Variants in ALOX15 observed in about 807,000 individuals in gnomAD.
ALOX15 encodes arachidonate 15-lipoxygenase.
ALOX15 carries 68 observed loss-of-function variants against 71.7 expected under a neutral mutation model. That is an observed-to-expected ratio of 0.95 (90% confidence interval 0.78 to 1.16). The LOEUF is 1.16. Ranked by LOEUF, ALOX15 falls within the 50% of genes most tolerant of loss-of-function variation. The pLI, the probability that ALOX15 is intolerant of heterozygous loss-of-function variation, is 0.00. For synonymous variants in ALOX15, 346 were observed against 333.3 expected (o/e 1.04, Z -0.42); for missense variants, 798 against 818.8 (o/e 0.97, Z 0.31).
At position 4,632,230 on chromosome 17, in the gene ALOX15, A is replaced by G. The variant is rs201836513; in HGVS notation, c.1592T>C (p.Met531Thr). 2,947 of 1,614,238 alleles carry G rather than the reference A, an allele frequency of 1.8e-3. 53 individuals carry two copies. In the South Asian group the frequency reaches 0.031, roughly 17 times the overall value. ...ARDQVCHFVT[M>T]CIFTCTGQHA... ...TTGGCCGGTGCAGGTGAAGATACACATGGTGACAAAGTGGCAAACCTGGTC... is the reference window on the plus strand; with the variant it reads ...TTGGCCGGTGCAGGTGAAGATACACGTGGTGACAAAGTGGCAAACCTGGTC... Residue 531 changes from methionine to threonine, a missense_variant, in exon 12 of 14, where the codon ATG (methionine) becomes ACG (threonine). By Grantham distance (81) the Met-to-Thr change is moderately conservative. This residue lies in a region of ALOX15 where 490 missense variants were observed against 509.4 expected (regional missense o/e 0.96). Coordinates refer to ENST00000293761, the MANE Select transcript of ALOX15 (RefSeq NM_001140.5).
chr17:4,641,578 C>A lies in ALOX15; in HGVS notation c.74G>T (p.Trp25Leu). ...YAGSNNQVQL[W>L]LVGQHGEAAL... ...CGCCTCCCCGTGCTGGCCGACCAGC[C>A]ACAGCTGCACCTGGTTGTTGGAACC... Residue 25 changes from tryptophan (W) to leucine (L), a missense_variant, in exon 1 of 14, where the codon TGG (tryptophan) becomes TTG (leucine). Around this residue, in one of 3 missense-constraint regions of ALOX15, gnomAD observed 300 missense variants for 283.1 expected, o/e 1.06. Transcript: ENST00000293761. The A allele has an allele frequency of 1.2e-6, 2 of 1,613,792 alleles. No individual in the cohort carries two copies. The highest frequency in any genetic ancestry group is 1.7e-6 in the Non-Finnish European group (2 of 1,180,042).
At chr17:4,633,731 C>T (rs959446220) in intron 8 of ALOX15, among the ~76,000 whole-genome samples, 6 of 152,192 alleles carry the variant, frequency 3.9e-5, no homozygotes, top group South Asian at 4.1e-4. Context: ...CACATGCTCA[C>T]GGATGTTCAT....
At chr17:4,632,356 G>C in intron 11 of ALOX15, 75 bp from the exon 12 acceptor site, 1 of 1,213,048 alleles carries the variant, frequency 8.2e-7, no homozygotes, top group Non-Finnish European at 1.2e-6. Context: ...GCCAAGAGAG[G>C]AGAACAAGGG....
At position 4,641,526 on chromosome 17, in the gene ALOX15, T is replaced by C. The variant is rs764923621; in HGVS notation, c.126A>G (p.Ala42=). 338 of 1,612,656 alleles carry C rather than the reference T, an allele frequency of 2.1e-4. No individual in the cohort carries two copies. Among genetic ancestry groups the C allele is most frequent in the Non-Finnish European group, 2.7e-4 (322 of 1,179,704 alleles). Residue 42 remains alanine (A), a synonymous_variant, in exon 1 of 14, where the codon GCA becomes GCG. Transcript: ENST00000293761. ...GCTCTGGGGAGCTCACCTTGCCCCGTGCGGGCCACAGTCGCTTCCCGAGCG... is the reference window on the plus strand; with the variant it reads ...GCTCTGGGGAGCTCACCTTGCCCCGCGCGGGCCACAGTCGCTTCCCGAGCG... ...EAALGKRLWP[A]RGKETELKVE...
chr17:4,636,185 G>A (rs1469731012), intron 7 of ALOX15, among the ~76,000 whole-genome samples: 1 of 152,118 alleles, frequency 6.6e-6, no homozygotes, highest in African/African-American at 2.4e-5. Flanking sequence ...CCAGCATTCT[G>A]CAGAAACTGC....
Position 4,639,066 on chromosome 17 carries a change from C to G in ALOX15, c.404G>C (p.Arg135Thr), listed in dbSNP as rs759249982. Residue 135 changes from arginine (R) to threonine (T), a missense_variant, in exon 3 of 14, where the codon AGA becomes ACA. Physicochemically the swap from Arg to Thr is moderately conservative, Grantham distance 71. Around this residue, in one of 3 missense-constraint regions of ALOX15, gnomAD observed 300 missense variants for 283.1 expected, o/e 1.06. Coordinates refer to ENST00000293761, the MANE Select transcript of ALOX15 (RefSeq NM_001140.5). ...QKHREEELEE[R>T]RKLYRWGNWK... ...GAGGGCTCACCGGTACAACTTCCTT[C>G]TCTCTTCCAGCTCTTCTTCCCGGTG... The G allele has an allele frequency of 3.1e-6, 5 of 1,614,242 alleles. No homozygotes were observed. In the South Asian group the frequency reaches 5.5e-5, roughly 18 times the overall value.
Position 4,641,515 on chromosome 17 carries a change from A to C in ALOX15, c.135+2T>G. On this transcript the variant is annotated splice_donor_variant, in intron 1 of 13. Transcript: ENST00000293761. LOFTEE classifies it high-confidence loss of function. ...CACCCCGCCCGGCTCTGGGGAGCTC[A>C]CCTTGCCCCGTGCGGGCCACAGTCG... 6.2e-7 allele frequency: 1 copy of C among 1,612,470 alleles called. No individual in the cohort carries two copies. Among genetic ancestry groups the C allele is most frequent in the Non-Finnish European group, 8.5e-7 (1 of 1,179,612 alleles).
At position 4,635,926 on chromosome 17, in the gene ALOX15, A is replaced by G. The variant is rs1911079360; in HGVS notation, c.994T>C (p.Leu332=). Residue 332 remains leucine, a synonymous_variant, in exon 8 of 14, where the codon TTG becomes CTG. Coordinates refer to ENST00000293761, the MANE Select transcript of ALOX15 (RefSeq NM_001140.5). The part of the protein sequence containing the change: ...RTGSPPPPLF[L]PTDPPMAWLL... ...CAGGCCATTGGGGGATCCGTAGGCA[A>G]GAAAAGGGGAGGTGGTGGGGATCCT... 1.2e-6 allele frequency: 2 copies of G among 1,614,170 alleles called. No individual in the cohort carries two copies. The highest frequency in any genetic ancestry group is 1.7e-6 in the Non-Finnish European group (2 of 1,180,034).
Position 4,631,490 on chromosome 17 carries a change from G to T in ALOX15, c.*110C>A, listed in dbSNP as rs760691070. 1.5e-6 allele frequency: 2 copies of T among 1,356,322 alleles called. No individual in the cohort carries two copies. Among genetic ancestry groups the T allele is most frequent in the Middle Eastern group, 2.6e-4 (1 of 3,836 alleles). 84.0% of individuals were successfully genotyped at this position (1,356,322 alleles called of 1,614,324 possible). A position where few individuals can be genotyped will look rare whatever the true frequency, so the allele number is the denominator to read the frequency against. ...CCATGAAAAGGTGCCCCTCTAGGGA[G>T]GGTGGGACATGGGAAGAGGGTGGGA... is the stretch of plus-strand genomic sequence containing the variant. On this transcript the variant is annotated 3_prime_UTR_variant, in exon 14 of 14. Coordinates refer to ENST00000293761, the MANE Select transcript of ALOX15 (RefSeq NM_001140.5).
At chr17:4,632,806 T>C in intron 11 of ALOX15, 55 bp downstream of exon 11, 2 of 1,611,548 alleles carry the variant, frequency 1.2e-6, no homozygotes, top group Non-Finnish European at 1.7e-6. Context: ...CAGGGGATTC[T>C]GGGAAGATCT....
rs745678466 is a variant in ALOX15, at chr17:4,639,549, TC to T, written c.217del (p.Asp73ThrfsTer34). ...GATCCAGTTGCAGAACCAGGCGTCGTCCTTAAGGAGGTGCCGTTTGCGCAGT... is the reference window on the plus strand; with the variant it reads ...GATCCAGTTGCAGAACCAGGCGTCGTCTTAAGGAGGTGCCGTTTGCGCAGT... ...VKLRKRHLLK[D>X]DAWFCNWISV... On this transcript the variant is annotated frameshift_variant, in exon 2 of 14. Transcript: ENST00000293761. LOFTEE classifies it high-confidence loss of function. The T allele has an allele frequency of 6.2e-7, 1 of 1,613,852 alleles. No individual in the cohort carries two copies. The highest frequency in any genetic ancestry group is 8.5e-7 in the Non-Finnish European group (1 of 1,179,972).
At chr17:4,635,639 T>C (rs113561833) in intron 8 of ALOX15, 120 bp downstream of exon 8, 3 of 936,758 alleles carry the variant, frequency 3.2e-6, no homozygotes, top group Admixed American at 2.2e-5. Flanking sequence ...TGCTCTCACA[T>C]TGTCCATTCA....
intron 8 of ALOX15, among the ~76,000 whole-genome samples, chr17:4,634,959 CAATAATAAT>C (rs113006980): frequency 2.8e-5 from 4 of 145,358 alleles, no homozygotes; most frequent in South Asian, 4.6e-4. Flanking sequence ...GCCTGGGCAG[CAATAATAAT>C]AATAATAATA....
At position 4,637,191 on chromosome 17, in the gene ALOX15, C is replaced by A; in HGVS notation, c.875G>T (p.Ser292Ile). 1 of 1,614,060 alleles carries A rather than the reference C, an allele frequency of 6.2e-7. No individual in the cohort carries two copies. The highest frequency in any genetic ancestry group is 8.5e-7 in the Non-Finnish European group (1 of 1,179,952). Residue 292 changes from serine (S) to isoleucine (I), a missense_variant, in exon 7 of 14, where the codon AGC (serine) becomes ATC (isoleucine). By Grantham distance (142) the Ser-to-Ile change is moderately radical. Around this residue, in one of 3 missense-constraint regions of ALOX15, gnomAD observed 490 missense variants for 509.4 expected, o/e 0.96. Transcript: ENST00000293761. The part of the protein sequence containing the change: ...DGIKANVILC[S>I]QQHLAAPLVM... Reference sequence around the variant, plus strand: ...TAGAGGGGCAGCCAGGTGCTGCTGGCTACAGAGAATGACGTTGGCCTTGAT... The same window carrying A: ...TAGAGGGGCAGCCAGGTGCTGCTGGATACAGAGAATGACGTTGGCCTTGAT...
Position 4,639,431 on chromosome 17 carries a change from G to C in ALOX15, c.336C>G (p.Thr112=). Residue 112 remains threonine (T), a splice_region_variant and synonymous_variant, in exon 2 of 14, where the codon ACC becomes ACG. Transcript: ENST00000293761. ...TGACACCCTCAGCCCCGCGCTTACC[G>C]GTGCCTTCAGGCAGGCTCAGGACGC... is the stretch of plus-strand genomic sequence containing the variant. ...GNGVLSLPEG[T]GRTVGEDPQG... The C allele has an allele frequency of 6.2e-7, 1 of 1,613,340 alleles. No individual in the cohort carries two copies. Among genetic ancestry groups the C allele is most frequent in the Non-Finnish European group, 8.5e-7 (1 of 1,179,896 alleles).
intron 5 of ALOX15, 52 bp from the exon 6 acceptor site, chr17:4,638,429 C>T: frequency 2.6e-6 from 2 of 764,018 alleles, no homozygotes; most frequent in Non-Finnish European, 4.4e-6. Context: ...CTTGGTCCTT[C>T]CAACCCCACC....
intron 7 of ALOX15, among the ~76,000 whole-genome samples, chr17:4,636,295 A>G (rs1301408087): frequency 6.6e-6 from 1 of 152,060 alleles, no homozygotes; most frequent in Non-Finnish European, 1.5e-5. Flanking sequence ...TGTTTTTTGA[A>G]AACTCATCTT....
chr17:4,635,682 G>A, intron 8 of ALOX15, 77 bp downstream of exon 8: 1 of 1,411,096 alleles, frequency 7.1e-7, no homozygotes, highest in African/African-American at 1.4e-5. Context: ...ACCCCACAGA[G>A]AGGGAGCCTC....
chr17:4,632,258 G>A lies in ALOX15; in HGVS notation c.1564C>T (p.Arg522Trp), dbSNP rs149679697. 61 of 1,614,210 alleles carry A rather than the reference G, an allele frequency of 3.8e-5. No homozygotes were observed. Among genetic ancestry groups the A allele is most frequent in the Middle Eastern group, 1.6e-4 (1 of 6,062 alleles). ...DRGFPVSLQA[R>W]DQVCHFVTMC... ...GTGACAAAGTGGCAAACCTGGTCCC[G>A]AGCCTGTAAAGAGACAGGAAACCCT... The change falls in exon 12 of 14, where the codon CGG becomes TGG. Residue 522 changes from arginine (R) to tryptophan (W), a missense_variant. Physicochemically the swap from Arg to Trp is moderately radical, Grantham distance 101. Coordinates refer to ENST00000293761, the MANE Select transcript of ALOX15 (RefSeq NM_001140.5).
Sources: gnomAD v4.1 joint callset for allele counts (sites outside exome capture counted in the v4.1 genomes callset) on GRCh38, gnomAD v4.1.1 for gene constraint, gnomAD v4.1.1 regional missense constraint, MANE v1.5 for transcripts, NCBI Gene and HGNC (gene_info 2026-07-23, HGNC 2026-07-21) for gene names.